LOC400499: variants seen among roughly 807,000 people sequenced by gnomAD.
chr16:11,485,219 GGGGACACAA>G, the LOC400499 span: 1 of 397,330 alleles, frequency 2.5e-6, no homozygotes, highest in Non-Finnish European at 4.4e-6. Flanking sequence ...GCTGAGGTTC[GGGGACACAA>G]CCTTGGGAAA....
At chr16:11,380,768 GGCT>G in the LOC400499 span, 2 of 152,170 alleles carry the variant, frequency 1.3e-5, no homozygotes, top group Non-Finnish European at 2.9e-5. Context: ...GTGACACTGT[GGCT>G]GTAAGTCTTC....
the LOC400499 span, among the ~76,000 whole-genome samples, chr16:11,426,509 T>C: frequency 4.6e-5 from 7 of 152,132 alleles, no homozygotes; most frequent in Non-Finnish European, 7.4e-5. Context: ...TGTGGAAATT[T>C]TGAATGTTTT....
At chr16:11,448,267 T>C in the LOC400499 span, among the ~76,000 whole-genome samples, 2 of 152,140 alleles carry the variant, frequency 1.3e-5, no homozygotes, top group Non-Finnish European at 2.9e-5. Context: ...CACACCACCA[T>C]GGCTAGACCT....
At chr16:11,498,840 A>G in the LOC400499 span, among the ~76,000 whole-genome samples, 25 of 151,292 alleles carry the variant, frequency 1.7e-4, no homozygotes, top group African/African-American at 5.6e-4. Context: ...CCCTCCGCAC[A>G]CACCATACAA....
chr16:11,406,670 C>T, the LOC400499 span, among the ~76,000 whole-genome samples: 1 of 152,196 alleles, frequency 6.6e-6, no homozygotes, highest in Non-Finnish European at 1.5e-5. Context: ...CACCTCAGGT[C>T]ATCCACCCGC....
the LOC400499 span, chr16:11,456,762 G>T: frequency 1.4e-6 from 2 of 1,407,418 alleles, no homozygotes; most frequent in Non-Finnish European, 1.9e-6. Flanking sequence ...GCCAACAAAA[G>T]GAAAAGGTGT....
chr16:11,476,295 C>T, the LOC400499 span, among the ~76,000 whole-genome samples: 2 of 152,060 alleles, frequency 1.3e-5, no homozygotes, highest in East Asian at 3.9e-4. Context: ...TCTAAAATTG[C>T]CCCTCTCCAA....
At chr16:11,507,451 T>A in the LOC400499 span, among the ~76,000 whole-genome samples, 3 of 152,210 alleles carry the variant, frequency 2.0e-5, no homozygotes, top group African/African-American at 7.2e-5. Context: ...CTGCCTGGGT[T>A]AACAGCCCAG....
chr16:11,453,458 A>T, the LOC400499 span, among the ~76,000 whole-genome samples: 3 of 152,172 alleles, frequency 2.0e-5, no homozygotes, highest in South Asian at 2.1e-4. Context: ...CTCCGAGGCA[A>T]CAGATAAAAC....
chr16:11,475,851 G>T, the LOC400499 span: 24 of 388,074 alleles, frequency 6.2e-5, no homozygotes, highest in Non-Finnish European at 1.4e-5. Flanking sequence ...CAGTGCACAC[G>T]CTGGTGTGGT....
At chr16:11,420,459 G>A in the LOC400499 span, among the ~76,000 whole-genome samples, 1 of 124,870 alleles carries the variant, frequency 8.0e-6, no homozygotes, top group Non-Finnish European at 1.7e-5. Flanking sequence ...TGGGGGGAGG[G>A]GGGAGGGATA....
the LOC400499 span, chr16:11,508,874 G>C: frequency 2.5e-6 from 1 of 398,948 alleles, no homozygotes; most frequent in African/African-American, 2.1e-5. Flanking sequence ...GTAAGAGGTG[G>C]ATGGGATGAC....
At chr16:11,509,724 G>A in the LOC400499 span, among the ~76,000 whole-genome samples, 5 of 152,102 alleles carry the variant, frequency 3.3e-5, no homozygotes, top group East Asian at 2.0e-4. Flanking sequence ...CCAGTTACAC[G>A]GGAGGCTGAG....
chr16:11,433,343 G>A, the LOC400499 span, among the ~76,000 whole-genome samples: 1 of 152,148 alleles, frequency 6.6e-6, no homozygotes, highest in African/African-American at 2.4e-5. Flanking sequence ...GGTTATCTAG[G>A]ACCATGTCCA....
At chr16:11,407,023 C>G in the LOC400499 span, among the ~76,000 whole-genome samples, 1 of 152,200 alleles carries the variant, frequency 6.6e-6, no homozygotes, top group Admixed American at 6.5e-5. Flanking sequence ...AGTAGATGCT[C>G]CATAAATCAT....
chr16:11,415,210 A>C, the LOC400499 span, among the ~76,000 whole-genome samples: 5 of 152,272 alleles, frequency 3.3e-5, no homozygotes, highest in Admixed American at 3.3e-4. Context: ...ATTTTGGCTC[A>C]CAGTTAGGAG....
the LOC400499 span, chr16:11,447,031 A>G: frequency 2.5e-6 from 3 of 1,201,164 alleles, no homozygotes; most frequent in Non-Finnish European, 3.4e-6. Flanking sequence ...AGACTCTGCC[A>G]CAGAGAAGAG....
At chr16:11,518,832 G>A in the LOC400499 span, 2 of 399,070 alleles carry the variant, frequency 5.0e-6, no homozygotes, top group Non-Finnish European at 8.8e-6. Context: ...GCTGTTGAAA[G>A]ACGGCAGAGG....
At chr16:11,459,188 ATTTTTTTT>A in the LOC400499 span, among the ~76,000 whole-genome samples, 690 of 119,892 alleles carry the variant, frequency 5.8e-3, 9 homozygotes, top group African/African-American at 0.023. Flanking sequence ...TCCTAAACCA[ATTTTTTTT>A]TTTTTTTTTT....
Sources: gnomAD v4.1 joint callset for allele counts (sites outside exome capture counted in the v4.1 genomes callset) on GRCh38, gnomAD v4.1.1 for gene constraint, MANE v1.5 for transcripts.